CERS3: variants seen among roughly 807,000 people sequenced by gnomAD.
The protein encoded by CERS3 is ceramide synthase 3.
Under a neutral mutation model 50.3 loss-of-function variants are expected in CERS3, and 33 were observed. That is an observed-to-expected ratio of 0.66 (90% CI 0.50 to 0.88). The LOEUF is 0.88. Ranked by LOEUF, CERS3 falls within the 40% of genes least tolerant of loss-of-function variation. The probability of loss-of-function intolerance (pLI) is 0.00; values close to 1 mark genes in which losing one functional copy is unlikely to be tolerated. For missense variants in CERS3, 470 were observed against 460.3 expected, an observed-to-expected ratio of 1.02 and a Z score of -0.19; for synonymous variants, 176 against 155.2, an observed-to-expected ratio of 1.13 and a Z score of -0.99.
At chr15:100,438,049 T>G (rs2033509959) in intron 11 of CERS3, 1 of 143,546 alleles carries the variant, frequency 7.0e-6, no homozygotes, top group East Asian at 2.0e-4. Context: ...TTTTTTTTTT[T>G]TTTTTTTTGA....
intron 10 of CERS3, among the ~76,000 whole-genome samples, chr15:100,461,322 C>T (rs1329537729): frequency 2.6e-5 from 4 of 152,046 alleles, no homozygotes; most frequent in African/African-American, 9.7e-5. Flanking sequence ...ACTGTATAGC[C>T]CTCAGAATGA....
In CERS3 at chr15:100,467,850, T is replaced by TATATATAGATAGATAG. The variant is rs145899470; in HGVS notation, c.845+1527_845+1528insCTATCTATCTATATAT. The stretch of plus-strand genomic sequence containing the variant: ...ATATATATACGTGTATATATATATA[T>TATATATAGATAGATAG]ATAGATAGATAGATAGATAGATAGA... On this transcript the variant is annotated intron_variant, in intron 10 of 11. Coordinates refer to ENST00000679737, the MANE Select transcript of CERS3 (RefSeq NM_001378789.1). Among the ~76,000 whole-genome samples the TATATATAGATAGATAG allele has an allele frequency of 1.7e-3, 156 of 93,136 alleles. 5 individuals carry two copies. The highest frequency in any genetic ancestry group is 2.2e-3 in the East Asian group (8 of 3,572). 61.1% of individuals were successfully genotyped at this position (93,136 alleles called of 152,430 possible). A position where few individuals can be genotyped will look rare whatever the true frequency, so the allele number is the denominator to read the frequency against.
chr15:100,496,299 CTAAAGGA>C (rs2035812334), intron 3 of CERS3, among the ~76,000 whole-genome samples: 1 of 152,052 alleles, frequency 6.6e-6, no homozygotes, highest in African/African-American at 2.4e-5. Flanking sequence ...TTCCCATCAA[CTAAAGGA>C]TAAACAAGTT....
chr15:100,406,624 C>CA (rs1240496343), intron 11 of CERS3, among the ~76,000 whole-genome samples: 1 of 152,130 alleles, frequency 6.6e-6, no homozygotes, highest in Non-Finnish European at 1.5e-5. Flanking sequence ...TAAGATGCAT[C>CA]AGAGAAAGGC....
At chr15:100,498,189 C>T (rs140095585) in intron 3 of CERS3, among the ~76,000 whole-genome samples, 19 of 151,964 alleles carry the variant, frequency 1.3e-4, no homozygotes, top group African/African-American at 2.7e-4. Context: ...CCACCGCGCC[C>T]GGCCAAAAAA....
chr15:100,470,900 A>G (rs993029495), intron 9 of CERS3, among the ~76,000 whole-genome samples: 4 of 152,292 alleles, frequency 2.6e-5, no homozygotes, highest in South Asian at 2.1e-4. Context: ...GAAATATGAA[A>G]GATGAATAGG....
intron 10 of CERS3, among the ~76,000 whole-genome samples, chr15:100,463,359 C>T (rs12907149): frequency 0.48 from 68,632 of 143,698 alleles, 16,689 homozygotes; most frequent in Middle Eastern, 0.56. Context: ...CGCTTGAACC[C>T]GGGAAGCAGA....
intron 2 of CERS3, 141 bp downstream of exon 2, chr15:100,521,526 G>C (rs1784845486): frequency 4.6e-5 from 7 of 152,160 alleles, no homozygotes. Context: ...GCATGGTACT[G>C]GCTTTGCCCA....
chr15:100,407,234 A>G (rs2031112826), intron 11 of CERS3, among the ~76,000 whole-genome samples: 2 of 152,192 alleles, frequency 1.3e-5, no homozygotes, highest in Admixed American at 6.5e-5. Context: ...AGACTTAAAG[A>G]GCTGTGTTAG....
At chr15:100,426,700 T>TC (rs898505225) in intron 11 of CERS3, among the ~76,000 whole-genome samples, 2 of 152,318 alleles carry the variant, frequency 1.3e-5, no homozygotes, top group Admixed American at 1.3e-4. Flanking sequence ...CAAGTTTATA[T>TC]CCCCCGTGTG....
intron 5 of CERS3, among the ~76,000 whole-genome samples, chr15:100,483,777 TA>T (rs2035391368): frequency 2.5e-4 from 10 of 39,720 alleles, no homozygotes; most frequent in Middle Eastern, 8.5e-3. Context: ...TAATAATAAT[TA>T]TTATTATTAT....
chr15:100,472,322 G>A (rs1276513564), intron 9 of CERS3, among the ~76,000 whole-genome samples: 2 of 152,084 alleles, frequency 1.3e-5, no homozygotes, highest in South Asian at 2.1e-4. Flanking sequence ...AAACAGGTCC[G>A]GAAAACAATC....
At chr15:100,489,606 A>G (rs1233496663) in intron 4 of CERS3, among the ~76,000 whole-genome samples, 1 of 152,218 alleles carries the variant, frequency 6.6e-6, no homozygotes, top group Non-Finnish European at 1.5e-5. Context: ...AGGATAATAA[A>G]GGACCCAGAA....
At chr15:100,441,804 C>CG (rs1038724196) in intron 11 of CERS3, among the ~76,000 whole-genome samples, 6 of 123,206 alleles carry the variant, frequency 4.9e-5, no homozygotes, top group Admixed American at 3.4e-4. Flanking sequence ...CATCAGTCCC[C>CG]CCCAGTCTGT....
intron 11 of CERS3, among the ~76,000 whole-genome samples, chr15:100,427,776 T>C (rs7171519): frequency 0.46 from 70,148 of 152,160 alleles, 17,204 homozygotes; most frequent in Non-Finnish European, 0.56. Flanking sequence ...CTCATAAATA[T>C]GATGGCTTGA....
intron 11 of CERS3, among the ~76,000 whole-genome samples, chr15:100,427,002 C>T (rs2032850520): frequency 6.6e-6 from 1 of 152,194 alleles, no homozygotes. Context: ...CAGCAATGTC[C>T]AAGCTATATC....
chr15:100,494,378 G>A (rs888454765), intron 3 of CERS3, among the ~76,000 whole-genome samples: 4 of 151,298 alleles, frequency 2.6e-5, no homozygotes, highest in Non-Finnish European at 5.9e-5. Flanking sequence ...CTCCTGAGTA[G>A]CTGGGACTAC....
chr15:100,491,731 C>T (rs1005130967), intron 3 of CERS3, among the ~76,000 whole-genome samples: 1 of 152,044 alleles, frequency 6.6e-6, no homozygotes, highest in African/African-American at 2.4e-5. Context: ...ACTGCTATTG[C>T]TGTATTCTAT....
intron 11 of CERS3, among the ~76,000 whole-genome samples, chr15:100,444,499 C>G (rs565451141): frequency 5.9e-5 from 9 of 152,212 alleles, no homozygotes; most frequent in African/African-American, 9.7e-5. Flanking sequence ...GGCAGTTCCA[C>G]CAGGCGTAAT....
Sources: gnomAD v4.1 joint callset for allele counts (sites outside exome capture counted in the v4.1 genomes callset) on GRCh38, gnomAD v4.1.1 for gene constraint, MANE v1.5 for transcripts, NCBI Gene and HGNC (gene_info 2026-07-23, HGNC 2026-07-21) for gene names.